The following CEBPZ variants were observed in gnomAD, a reference collection of about 807,000 sequenced individuals.
The protein encoded by CEBPZ is CCAAT/enhancer-binding protein zeta.
A neutral mutation model predicts 104.5 loss-of-function variants in CEBPZ; 78 were observed. The ratio of observed to expected loss-of-function variants is 0.75; its 90% CI spans 0.62 to 0.90. The LOEUF is 0.90. Among genes scored for constraint, CEBPZ ranks in the 40% least tolerant of loss-of-function variants. The pLI, the probability that CEBPZ is intolerant of heterozygous loss-of-function variation, is 0.00. For missense variants in CEBPZ, 1,439 were observed against 1,233.5 expected, an observed-to-expected ratio of 1.17 and a Z score of -2.50; for synonymous variants, 470 against 427.0, an observed-to-expected ratio of 1.10 and a Z score of -1.24.
intron 5 of CEBPZ, among the ~76,000 whole-genome samples, chr2:37,217,482 C>G (rs925663707): frequency 6.6e-6 from 1 of 152,332 alleles, no homozygotes; most frequent in African/African-American, 2.4e-5. Flanking sequence ...ATATTGGTCT[C>G]AGGACCATTT....
chr2:37,212,865 A>ACC (rs1677768885), intron 10 of CEBPZ, among the ~76,000 whole-genome samples: 1 of 134,320 alleles, frequency 7.4e-6, no homozygotes, highest in Non-Finnish European at 1.6e-5. Flanking sequence ...AAACAACAAC[A>ACC]ACAAAAAAAA....
intron 12 of CEBPZ, 194 bp from the exon 13 acceptor site, chr2:37,211,276 T>A (rs1427877460): frequency 2.5e-6 from 1 of 404,886 alleles, no homozygotes; most frequent in Non-Finnish European, 4.4e-6. Context: ...ACAGTTCTAA[T>A]ATTTTGTGCA....
At chr2:37,222,709 TG>T in intron 3 of CEBPZ, 146 bp from the exon 4 acceptor site, 1 of 570,440 alleles carries the variant, frequency 1.8e-6, no homozygotes, top group Middle Eastern at 4.7e-4. Flanking sequence ...TGGCTATCAA[TG>T]GTATTTAAAC....
rs1364185072 is a variant in CEBPZ, at chr2:37,214,877, G to GTA, written c.2447+7_2447+8dup. 6.4e-7 allele frequency: 1 copy of GTA among 1,569,994 alleles called. No individual in the cohort carries two copies. The highest frequency in any genetic ancestry group is 8.8e-7 in the Non-Finnish European group (1 of 1,140,664). On this transcript the variant is annotated intron_variant, in intron 9 of 15. Coordinates refer to ENST00000234170, the MANE Select transcript of CEBPZ (RefSeq NM_005760.3). ...GTTTCCCCAAATGAAACTATATTAT[G>GTA]TATAGTACCTGTGGAAAAACACTTC...
At chr2:37,220,349 CATAA>C in intron 5 of CEBPZ, 32 bp downstream of exon 5, 1 of 880,780 alleles carries the variant, frequency 1.1e-6, no homozygotes, top group Non-Finnish European at 1.7e-6. Flanking sequence ...ATATATATAG[CATAA>C]ATGAATAAAA....
chr2:37,220,641 T>G (rs1664749653), intron 4 of CEBPZ, among the ~76,000 whole-genome samples, 168 bp from the exon 5 acceptor site: 1 of 152,194 alleles, frequency 6.6e-6, no homozygotes, highest in Non-Finnish European at 1.5e-5. Flanking sequence ...TCTTGGTACT[T>G]AAGCTAGCAT....
Position 37,228,503 on chromosome 2 carries a change from G to C in CEBPZ, c.690C>G (p.Ala230=). The change falls in exon 2 of 16, where the codon GCC becomes GCG. Residue 230 remains alanine, a synonymous_variant. Coordinates refer to ENST00000234170, the MANE Select transcript of CEBPZ (RefSeq NM_005760.3). The stretch of plus-strand genomic sequence containing the variant: ...CAATTGCCTTCATCCAGGTAGAAGA[G>C]GCTCCCTTTTGACTATTCGTCTTAC... ...FKSKTNSQKG[A]SSTWMKAIVS... 6.2e-7 allele frequency: 1 copy of C among 1,614,162 alleles called. No homozygotes were observed. Among genetic ancestry groups the C allele is most frequent in the Non-Finnish European group, 8.5e-7 (1 of 1,180,020 alleles).
chr2:37,204,027 T>TA, intron 13 of CEBPZ: 1 of 152,338 alleles, frequency 6.6e-6, no homozygotes, highest in South Asian at 2.1e-4. Context: ...CCACTTTTGA[T>TA]AAAATAGTTT....
chr2:37,204,582 G>C (rs1424484255), intron 13 of CEBPZ: 1 of 152,128 alleles, frequency 6.6e-6, no homozygotes, highest in Non-Finnish European at 1.5e-5. Context: ...AGCCATTTTT[G>C]ATTTTTTGTA....
rs1395712492 is a variant in CEBPZ, at chr2:37,228,656, A to G, written c.537T>C (p.Pro179=). The G allele has an allele frequency of 6.2e-7, 1 of 1,614,050 alleles. No homozygotes were observed. The highest frequency in any genetic ancestry group is 8.5e-7 in the Non-Finnish European group (1 of 1,180,038). ...FFERQTLLLR[P]GGKWYDLEYS... is the part of the protein sequence containing the mutation. ...ACTCCAGATCATACCATTTGCCTCC[A>G]GGCCTAAGTAACAAAGTCTGTCTCT... Residue 179 remains proline (P), a synonymous_variant, in exon 2 of 16, where the codon CCT becomes CCC. Coordinates refer to ENST00000234170, the MANE Select transcript of CEBPZ (RefSeq NM_005760.3).
At position 37,227,765 on chromosome 2, in the gene CEBPZ, T is replaced by G. The variant is rs1002254176; in HGVS notation, c.1428A>C (p.Lys476Asn). Residue 476 changes from lysine (K) to asparagine (N), a missense_variant, in exon 2 of 16, where the codon AAA (lysine) becomes AAC (asparagine). By Grantham distance (94) the Lys-to-Asn change is moderately conservative. Coordinates refer to ENST00000234170, the MANE Select transcript of CEBPZ (RefSeq NM_005760.3). The part of the protein sequence containing the change: ...FCFFRTCVKK[K>N]DVESKMLSAL... Reference sequence around the variant, plus strand: ...CGCTAAGCATTTTTGATTCAACATCTTTTTTTTTGACACAAGTCCGAAAAA... The same window carrying G: ...CGCTAAGCATTTTTGATTCAACATCGTTTTTTTTGACACAAGTCCGAAAAA... 1.3e-6 allele frequency: 2 copies of G among 1,577,834 alleles called. No individual in the cohort carries two copies. Among genetic ancestry groups the G allele is most frequent in the African/African-American group, 2.7e-5 (2 of 73,636 alleles).
chr2:37,222,688 A>T (rs1202610065), intron 3 of CEBPZ, 125 bp from the exon 4 acceptor site: 1 of 601,416 alleles, frequency 1.7e-6, no homozygotes, highest in Non-Finnish European at 2.7e-6. Context: ...AGTTCTAATA[A>T]AGTAAAATGA....
In CEBPZ at chr2:37,202,962, TAC is replaced by T; in HGVS notation, c.2929_2930del (p.Val977IlefsTer3). On this transcript the variant is annotated frameshift_variant, in exon 14 of 16. Transcript: ENST00000234170. LOFTEE classifies it high-confidence loss of function. ...KRNLNDSSLF[V>X]SAEEFGHLLD... ...ACATTAGCCTTACCTCTTCAGCAGA[TAC>T]AAATAGGCTGGAATCATTTAAGTTT... The T allele has an allele frequency of 6.3e-7, 1 of 1,576,846 alleles. No individual in the cohort carries two copies. The highest frequency in any genetic ancestry group is 8.6e-7 in the Non-Finnish European group (1 of 1,164,090).
intron 2 of CEBPZ, among the ~76,000 whole-genome samples, chr2:37,224,137 CCA>C (rs1323825150): frequency 4.6e-5 from 7 of 152,178 alleles, no homozygotes; most frequent in African/African-American, 1.7e-4. Flanking sequence ...TGTTGTAACC[CCA>C]GTGCCTGGCA....
intron 5 of CEBPZ, among the ~76,000 whole-genome samples, chr2:37,219,719 C>T (rs371549117): frequency 1.3e-5 from 2 of 152,222 alleles, no homozygotes; most frequent in Admixed American, 6.5e-5. Flanking sequence ...ATATGAATTC[C>T]TCTTACAAAT....
chr2:37,231,016 C>T lies in CEBPZ; in HGVS notation c.156+396G>A, dbSNP rs1665066066. 2.0e-5 allele frequency among the ~76,000 whole-genome samples: 3 copies of T among 152,130 alleles called. No individual in the cohort carries two copies. The South Asian group carries it at 6.2e-4, about 31-fold the overall frequency. On this transcript the variant is annotated intron_variant, in intron 1 of 15. Coordinates refer to ENST00000234170, the MANE Select transcript of CEBPZ (RefSeq NM_005760.3). ...AATTAGGATGCTCCAAAAAAGAGGG[C>T]TTCTGGGGCATACAGTGACACGTGC...
At chr2:37,220,529 G>T (rs1047602898) in intron 4 of CEBPZ, 56 bp from the exon 5 acceptor site, 2 of 861,416 alleles carry the variant, frequency 2.3e-6, no homozygotes, top group South Asian at 1.7e-5. Context: ...AGCCCAAGAG[G>T]TCATTAAAAG....
At chr2:37,231,362 T>C (rs1289508298) in intron 1 of CEBPZ, 50 bp downstream of exon 1, 3 of 1,610,630 alleles carry the variant, frequency 1.9e-6, no homozygotes, top group South Asian at 1.1e-5. Context: ...CCTAGCCACC[T>C]TCGGAACTCT....
chr2:37,203,009 C>A lies in CEBPZ; in HGVS notation c.2885-1G>T. ...AAGTTTCTTTTCTTTTTTCTTGGCCCTAAAAAAAATTGTAAGTCTACATTA... is the reference window on the plus strand; with the variant it reads ...AAGTTTCTTTTCTTTTTTCTTGGCCATAAAAAAAATTGTAAGTCTACATTA... On this transcript the variant is annotated splice_acceptor_variant, in intron 13 of 15. Coordinates refer to ENST00000234170, the MANE Select transcript of CEBPZ (RefSeq NM_005760.3). LOFTEE classifies it high-confidence loss of function. 1 of 1,532,992 alleles carries A rather than the reference C, an allele frequency of 6.5e-7. No homozygotes were observed. The highest frequency in any genetic ancestry group is 8.7e-7 in the Non-Finnish European group (1 of 1,142,998). The allele number at this position is 1,532,992 out of a possible 1,614,324, so 95.0% of individuals were successfully genotyped here. A position where few individuals can be genotyped will look rare whatever the true frequency, so the allele number is the denominator to read the frequency against.
Sources: allele counts gnomAD v4.1 joint callset (sites outside exome capture counted in the v4.1 genomes callset), GRCh38; gene constraint gnomAD v4.1.1; transcripts MANE v1.5; gene names NCBI Gene and HGNC (gene_info 2026-07-23, HGNC 2026-07-21).